Variants in EPHA3 observed in about 807,000 individuals in gnomAD.
EPHA3 encodes ephrin type-A receptor 3.
EPHA3 carries 42 observed loss-of-function variants against 107.1 expected under a neutral mutation model. That is an observed-to-expected ratio of 0.39 (90% CI 0.31 to 0.51). The LOEUF (loss-of-function observed/expected upper bound fraction) is 0.51, where lower values mean the gene tolerates loss of function less well. EPHA3 is among the 20% of genes least tolerant of loss of function. The pLI is 0.78. For missense variants in EPHA3, 1,183 were observed against 1,211.2 expected (o/e 0.98, Z 0.35); for synonymous variants, 461 against 424.8 (o/e 1.09, Z -1.05).
chr3:89,305,117 G>T (rs1001067288), intron 3 of EPHA3, among the ~76,000 whole-genome samples: 2 of 152,054 alleles, frequency 1.3e-5, no homozygotes, highest in Non-Finnish European at 2.9e-5. Flanking sequence ...TGTTCCTATT[G>T]TTAAGGAATT....
At chr3:89,202,376 C>T (rs2107162891) in intron 2 of EPHA3, among the ~76,000 whole-genome samples, 1 of 151,196 alleles carries the variant, frequency 6.6e-6, no homozygotes, top group Middle Eastern at 3.4e-3. Flanking sequence ...AGTAGCTGGG[C>T]ATGGCGGTGC....
At chr3:89,266,010 C>T (rs986846170) in intron 3 of EPHA3, among the ~76,000 whole-genome samples, 3 of 152,052 alleles carry the variant, frequency 2.0e-5, no homozygotes, top group African/African-American at 7.2e-5. Context: ...TCCAGTCTGG[C>T]GGACACTACC....
At position 89,460,838 on chromosome 3, in the gene EPHA3, T is replaced by A. The variant is rs1445190228; in HGVS notation, c.2690+10468T>A. ...CTCTGTCTCTCTTTTTTTTTTTTTT[T>A]ATTATACTCTAAGTTTTAGGGTACA... On this transcript the variant is annotated intron_variant, in intron 15 of 16. Coordinates refer to ENST00000336596, the MANE Select transcript of EPHA3 (RefSeq NM_005233.6). Among the ~76,000 whole-genome samples, 3 of 137,140 alleles carry A rather than the reference T, an allele frequency of 2.2e-5. 1 individual carries two copies. Among genetic ancestry groups the A allele is most frequent in the African/African-American group, 8.3e-5 (3 of 36,226 alleles). 90.0% of individuals were successfully genotyped at this position (137,140 alleles called of 152,430 possible).
intron 2 of EPHA3, among the ~76,000 whole-genome samples, chr3:89,180,394 C>T (rs952340214): frequency 2.6e-5 from 4 of 151,846 alleles, no homozygotes; most frequent in Middle Eastern, 3.4e-3. Context: ...GTATTCAGTT[C>T]CCTAAAAAGA....
chr3:89,446,321 T>C (rs899005442), intron 13 of EPHA3, among the ~76,000 whole-genome samples: 1 of 152,162 alleles, frequency 6.6e-6, no homozygotes, highest in Non-Finnish European at 1.5e-5. Context: ...TCCAACATTA[T>C]TATGTCTGTA....
At chr3:89,360,659 A>G (rs73846153) in intron 5 of EPHA3, among the ~76,000 whole-genome samples, 7,916 of 150,996 alleles carry the variant, frequency 0.052, 764 homozygotes, top group African/African-American at 0.18. Context: ...ATTATCGAAA[A>G]TGCTCCCAAC....
intron 2 of EPHA3, among the ~76,000 whole-genome samples, chr3:89,127,657 T>C (rs779930409): frequency 6.6e-6 from 1 of 152,000 alleles, no homozygotes; most frequent in Non-Finnish European, 1.5e-5. Flanking sequence ...GTCATAGCCT[T>C]AAAATCAACC....
At chr3:89,336,838 A>G (rs1424981568) in intron 3 of EPHA3, among the ~76,000 whole-genome samples, 1 of 152,100 alleles carries the variant, frequency 6.6e-6, no homozygotes, top group Non-Finnish European at 1.5e-5. Context: ...AAGGGGGAGA[A>G]ACTCTTAAGG....
At chr3:89,345,464 C>A (rs998871284) in intron 5 of EPHA3, among the ~76,000 whole-genome samples, 1 of 151,078 alleles carries the variant, frequency 6.6e-6, no homozygotes, top group Non-Finnish European at 1.5e-5. Context: ...ATACCTTCAC[C>A]CAGATTTCTC....
intron 3 of EPHA3, among the ~76,000 whole-genome samples, chr3:89,241,800 T>G (rs1228630924): frequency 6.6e-6 from 1 of 152,176 alleles, no homozygotes; most frequent in African/African-American, 2.4e-5. Context: ...AAATACAGTA[T>G]ATTTCAGGTT....
In EPHA3 at chr3:89,419,230, T is replaced by A. The variant is rs148141668; in HGVS notation, c.1914T>A (p.Gly638=). ...GTGAATTTGGAGAGGTGTGCAGTGG[T>A]CGCTTAAAACTTCCTTCAAAAAAAG... ...GAGEFGEVCS[G]RLKLPSKKEI... Residue 638 remains glycine, a synonymous_variant, in exon 11 of 17, where the codon GGT becomes GGA. Coordinates refer to ENST00000336596, the MANE Select transcript of EPHA3 (RefSeq NM_005233.6). 3.7e-6 allele frequency: 6 copies of A among 1,609,038 alleles called. No homozygotes were observed. The highest frequency in any genetic ancestry group is 5.1e-6 in the Non-Finnish European group (6 of 1,177,108).
At chr3:89,421,902 T>A (rs1709359645) in intron 11 of EPHA3, among the ~76,000 whole-genome samples, 1 of 151,184 alleles carries the variant, frequency 6.6e-6, no homozygotes, top group East Asian at 1.9e-4. Flanking sequence ...ATATTAAACA[T>A]CTTACTCAAA....
intron 5 of EPHA3, among the ~76,000 whole-genome samples, chr3:89,375,618 G>C (rs558077953): frequency 6.6e-6 from 1 of 151,818 alleles, no homozygotes; most frequent in African/African-American, 2.4e-5. Context: ...TAATTGAAGA[G>C]TATAATTTTT....
At chr3:89,308,210 A>G (rs1455369379) in intron 3 of EPHA3, among the ~76,000 whole-genome samples, 1 of 152,204 alleles carries the variant, frequency 6.6e-6, no homozygotes, top group African/African-American at 2.4e-5. Flanking sequence ...AACAAACTGT[A>G]GAAGAGTACG....
chr3:89,253,170 C>T (rs1292849300), intron 3 of EPHA3, among the ~76,000 whole-genome samples: 1 of 152,042 alleles, frequency 6.6e-6, no homozygotes, highest in African/African-American at 2.4e-5. Context: ...AAAGTTTTCC[C>T]TGTTAATAAC....
intron 2 of EPHA3, among the ~76,000 whole-genome samples, chr3:89,149,829 CTA>C (rs1190964576): frequency 1.3e-5 from 2 of 151,832 alleles, no homozygotes; most frequent in Admixed American, 6.6e-5. Context: ...TGGTGTGTGA[CTA>C]TGTGATAAAC....
chr3:89,112,301 CTTGAA>C (rs780541366), intron 1 of EPHA3, among the ~76,000 whole-genome samples: 3 of 151,906 alleles, frequency 2.0e-5, no homozygotes, highest in Non-Finnish European at 4.4e-5. Context: ...TTTTTCATTT[CTTGAA>C]TTGAATTATG....
At chr3:89,374,586 T>A (rs552568187) in intron 5 of EPHA3, among the ~76,000 whole-genome samples, 1 of 151,862 alleles carries the variant, frequency 6.6e-6, no homozygotes, top group South Asian at 2.1e-4. Context: ...AGCAATTTCA[T>A]CAAAGAACAA....
At position 89,408,150 on chromosome 3, in the gene EPHA3, C is replaced by T. The variant is rs370600156; in HGVS notation, c.1762+19C>T. The T allele has an allele frequency of 3.0e-4, 486 of 1,611,318 alleles. No homozygotes were observed. Among genetic ancestry groups the T allele is most frequent in the Middle Eastern group, 5.0e-4 (3 of 6,038 alleles). ...GGGCATTGTAAGTTTCTAAACTTGG[C>T]TTTTTGTTTTGCTTCACCGTTTTAG... On this transcript the variant is annotated intron_variant, in intron 9 of 16. Transcript: ENST00000336596.
Sources: gnomAD v4.1 joint callset for allele counts (sites outside exome capture counted in the v4.1 genomes callset) on GRCh38, gnomAD v4.1.1 for gene constraint, MANE v1.5 for transcripts, NCBI Gene and HGNC (gene_info 2026-07-23, HGNC 2026-07-21) for gene names.